CALN1: variants seen among roughly 807,000 people sequenced by gnomAD.
CALN1 encodes calcium-binding protein 8.
A neutral mutation model predicts 30.6 loss-of-function variants in CALN1; 17 were observed. The observed-to-expected ratio is 0.56, with a 90% CI of 0.38 to 0.83. CALN1 has a LOEUF of 0.83. Among genes scored for constraint, CALN1 ranks in the 40% least tolerant of loss-of-function variants. The pLI is 0.00. For missense variants in CALN1, 291 were observed against 354.9 expected, an observed-to-expected ratio of 0.82 and a Z score of 1.45; for synonymous variants, 156 against 131.4, an observed-to-expected ratio of 1.19 and a Z score of -1.28.
chr7:71,974,895 G>A (rs1345136048), intron 5 of CALN1, among the ~76,000 whole-genome samples: 1 of 152,128 alleles, frequency 6.6e-6, no homozygotes, highest in Non-Finnish European at 1.5e-5. Context: ...GGCTCCATTT[G>A]GGCAATAGTT....
intron 3 of CALN1, among the ~76,000 whole-genome samples, chr7:72,123,067 G>T (rs1048906354): frequency 6.6e-6 from 1 of 152,070 alleles, no homozygotes; most frequent in African/African-American, 2.4e-5. Context: ...GCCAGGGAGC[G>T]GACTGGGGGT....
At chr7:72,033,232 A>G (rs979027806) in intron 4 of CALN1, among the ~76,000 whole-genome samples, 4 of 152,198 alleles carry the variant, frequency 2.6e-5, no homozygotes, top group Non-Finnish European at 4.4e-5. Flanking sequence ...ACTGTACAAC[A>G]TTCATTAAGA....
At chr7:72,107,115 G>A (rs1191416289) in intron 3 of CALN1, among the ~76,000 whole-genome samples, 1 of 152,142 alleles carries the variant, frequency 6.6e-6, no homozygotes, top group Non-Finnish European at 1.5e-5. Context: ...CAATTAGATG[G>A]TGGTCCCAGC....
chr7:72,165,303 A>C (rs1464048900), intron 3 of CALN1, among the ~76,000 whole-genome samples: 1 of 152,154 alleles, frequency 6.6e-6, no homozygotes, highest in Non-Finnish European at 1.5e-5. Flanking sequence ...TGGCTTCTGT[A>C]ATCTCAGCAC....
rs1794733070 is a variant in CALN1 at position 71,917,359 on chromosome 7, C to T, written c.501+106298G>A. Among the ~76,000 whole-genome samples, 7 of 152,146 alleles carry T rather than the reference C, an allele frequency of 4.6e-5. No homozygotes were observed. The South Asian group carries it at 1.5e-3, about 32-fold the overall frequency. ...TCTAGAGGTCTAATATACAGAATGG[C>T]GATTATTGTTAATACCACTATTATA... On this transcript the variant is annotated intron_variant, in intron 5 of 6. Coordinates refer to ENST00000395275, the MANE Select transcript of CALN1 (RefSeq NM_031468.4).
At chr7:72,264,713 G>A (rs472164) in intron 3 of CALN1, among the ~76,000 whole-genome samples, 2,002 of 152,232 alleles carry the variant, frequency 0.013, 41 homozygotes, top group African/African-American at 0.046. Context: ...AGGGGTACAC[G>A]TGCAGATTTG....
chr7:72,307,802 G>A (rs1038515430), intron 2 of CALN1, among the ~76,000 whole-genome samples: 7 of 151,998 alleles, frequency 4.6e-5, no homozygotes, highest in South Asian at 2.1e-4. Flanking sequence ...CCCAACAGCC[G>A]GGCAGAGGAC....
chr7:72,418,621 C>A (rs13238867), intron 1 of CALN1, among the ~76,000 whole-genome samples: 10,085 of 151,538 alleles, frequency 0.067, 494 homozygotes, highest in Non-Finnish European at 0.11. Context: ...AGCTTCCCCG[C>A]CCCGGCTCAC....
chr7:72,247,218 A>G (rs943467954), intron 3 of CALN1, among the ~76,000 whole-genome samples: 1 of 81,442 alleles, frequency 1.2e-5, no homozygotes, highest in African/African-American at 4.9e-5. Flanking sequence ...TCAACAGACC[A>G]TTTTCTTTCT....
chr7:72,027,630 G>A (rs1003239721), intron 4 of CALN1, among the ~76,000 whole-genome samples: 2 of 151,786 alleles, frequency 1.3e-5, no homozygotes, highest in South Asian at 4.2e-4. Flanking sequence ...AAAATCACTT[G>A]AGCCTGGGAG....
At chr7:72,331,296 G>A (rs1026810774) in intron 2 of CALN1, among the ~76,000 whole-genome samples, 37 of 152,096 alleles carry the variant, frequency 2.4e-4, no homozygotes, top group African/African-American at 8.2e-4. Flanking sequence ...GTTGCAGTGA[G>A]CCGAGATCAC....
chr7:72,476,937 G>A, the CALN1 span, among the ~76,000 whole-genome samples: 6 of 152,270 alleles, frequency 3.9e-5, no homozygotes, highest in East Asian at 3.9e-4. Flanking sequence ...GTCGCCAGGC[G>A]CCGTGGCTCA....
rs200997527 is a variant in CALN1, at chr7:72,351,154, A to T, written c.119+52097T>A. On this transcript the variant is annotated intron_variant, in intron 2 of 6. Coordinates refer to ENST00000395275, the MANE Select transcript of CALN1 (RefSeq NM_031468.4). ...CTCAAAAAAATAAACAAATAAATAA[A>T]TTTTTTAATTTTAAAAAATAAAGGT... Among the ~76,000 whole-genome samples, 9 of 152,116 alleles carry T rather than the reference A, an allele frequency of 5.9e-5. No homozygotes were observed. The East Asian group carries it at 1.5e-3, about 26-fold the overall frequency.
the CALN1 span, among the ~76,000 whole-genome samples, chr7:72,463,797 G>C: frequency 6.6e-6 from 1 of 152,020 alleles, no homozygotes; most frequent in African/African-American, 2.4e-5. Flanking sequence ...CTGGTCTCAA[G>C]CAATCCTCCC....
chr7:72,113,002 A>G (rs1807684943), intron 3 of CALN1, among the ~76,000 whole-genome samples: 1 of 152,214 alleles, frequency 6.6e-6, no homozygotes, highest in Non-Finnish European at 1.5e-5. Flanking sequence ...AGACACGGGC[A>G]TGTCTACAAT....
At chr7:72,274,022 A>G (rs1048740048) in intron 3 of CALN1, among the ~76,000 whole-genome samples, 1 of 152,162 alleles carries the variant, frequency 6.6e-6, no homozygotes, top group Non-Finnish European at 1.5e-5. Context: ...ATGACCAGAA[A>G]CAGAAGAGAT....
chr7:71,932,778 T>C (rs1053487191), intron 5 of CALN1, among the ~76,000 whole-genome samples: 69 of 143,140 alleles, frequency 4.8e-4, no homozygotes, highest in Non-Finnish European at 8.5e-4. Flanking sequence ...ATCGCATCAC[T>C]GCACTCCAGC....
rs745889449 is a variant in CALN1 at position 71,780,578 on chromosome 7, C to T, written c.*7197G>A. The T allele has an allele frequency of 2.3e-4, 35 of 152,058 alleles. No homozygotes were observed. Among genetic ancestry groups the T allele is most frequent in the Admixed American group, 8.5e-4 (13 of 15,254 alleles). The allele number at this position is 152,058 out of a possible 1,614,324, so 9.4% of individuals were successfully genotyped here. A position where few individuals can be genotyped will look rare whatever the true frequency, so the allele number is the denominator to read the frequency against. On this transcript the variant is annotated 3_prime_UTR_variant, in exon 7 of 7. Transcript: ENST00000395275. ...GGGCTGTCGCAGGTAGCCGGTCCCC[C>T]GCGACTGTTAATCTAATTCCTCACA...
intron 4 of CALN1, among the ~76,000 whole-genome samples, chr7:72,094,190 A>G (rs576469489): frequency 6.6e-6 from 1 of 152,330 alleles, no homozygotes; most frequent in East Asian, 1.9e-4. Flanking sequence ...AGGTGTAACA[A>G]TGGACTCTAG....
Sources: allele counts gnomAD v4.1 joint callset (sites outside exome capture counted in the v4.1 genomes callset), GRCh38; gene constraint gnomAD v4.1.1; transcripts MANE v1.5; gene names NCBI Gene and HGNC (gene_info 2026-07-23, HGNC 2026-07-21).